The following UNC5B variants were observed in gnomAD, a reference collection of about 807,000 sequenced individuals.
UNC5B encodes unc-5 netrin receptor B.
UNC5B carries 56 observed loss-of-function variants against 103.7 expected under a neutral mutation model. The observed-to-expected ratio is 0.54, with a 90% CI of 0.44 to 0.67. The LOEUF is 0.67. Ranked by LOEUF, UNC5B falls within the 30% of genes least tolerant of loss-of-function variation. The pLI is 0.00. For synonymous variants in UNC5B, 577 were observed against 542.0 expected (o/e 1.06, Z -0.90); for missense variants, 1,194 against 1,284.5 (o/e 0.93, Z 1.08).
At position 71,296,448 on chromosome 10, in the gene UNC5B, G is replaced by C. The variant is rs1845413982; in HGVS notation, c.2326-130G>C. ...CTCAGCTGGCTAGCTTAGGGCACTT[G>C]ACCCCTCCCTATCTGGGTGGAGAGG... is the stretch of plus-strand genomic sequence containing the variant. On this transcript the variant is annotated intron_variant, in intron 14 of 16. Coordinates refer to ENST00000335350, the MANE Select transcript of UNC5B (RefSeq NM_170744.5). 6 of 1,071,428 alleles carry C rather than the reference G, an allele frequency of 5.6e-6. No homozygotes were observed. In the Admixed American group the frequency reaches 1.6e-4, roughly 29 times the overall value. The allele number at this position is 1,071,428 out of a possible 1,614,324, so 66.4% of individuals were successfully genotyped here. A position where few individuals can be genotyped will look rare whatever the true frequency, so the allele number is the denominator to read the frequency against.
intron 1 of UNC5B, among the ~76,000 whole-genome samples, chr10:71,256,982 C>T (rs533706785): frequency 5.3e-5 from 8 of 152,224 alleles, no homozygotes; most frequent in South Asian, 2.1e-4. Flanking sequence ...TGCAGGAAGA[C>T]GACAGTCATG....
chr10:71,222,335 G>C (rs1843469729), intron 1 of UNC5B, among the ~76,000 whole-genome samples: 1 of 151,856 alleles, frequency 6.6e-6, no homozygotes, highest in African/African-American at 2.4e-5. Context: ...AAGAGCCCCA[G>C]CCTTTAGGAT....
In UNC5B at chr10:71,301,958, C is replaced by G. The variant is rs966492007; in HGVS notation, c.*2681C>G. 2.0e-5 allele frequency: 3 copies of G among 152,372 alleles called. No homozygotes were observed. The highest frequency in any genetic ancestry group is 7.2e-5 in the African/African-American group (3 of 41,564). The allele number at this position is 152,372 out of a possible 1,614,324, so 9.4% of individuals were successfully genotyped here. A position where few individuals can be genotyped will look rare whatever the true frequency, so the allele number is the denominator to read the frequency against. ...CAGGAGCTTGACGGATGAAGTGCAG[C>G]CAGCCACCCAGGTGCCATTTCCAGT... On this transcript the variant is annotated 3_prime_UTR_variant, in exon 17 of 17. Transcript: ENST00000335350.
chr10:71,255,040 C>A (rs770979018), intron 1 of UNC5B, among the ~76,000 whole-genome samples: 1 of 152,198 alleles, frequency 6.6e-6, no homozygotes, highest in East Asian at 1.9e-4. Flanking sequence ...TCATCACATA[C>A]TTACAGGTTT....
intron 1 of UNC5B, among the ~76,000 whole-genome samples, chr10:71,224,392 C>T (rs1414462297): frequency 5.3e-5 from 8 of 151,910 alleles, no homozygotes; most frequent in African/African-American, 1.5e-4. Context: ...CACACACACA[C>T]ACACACACAC....
chr10:71,298,203 T>C, intron 16 of UNC5B, 113 bp downstream of exon 16: 3 of 1,276,898 alleles, frequency 2.3e-6, no homozygotes, highest in East Asian at 2.5e-5. Flanking sequence ...CCAGCTGCCC[T>C]TTTGCCACCA....
intron 1 of UNC5B, among the ~76,000 whole-genome samples, chr10:71,272,411 G>A (rs1444660286): frequency 6.6e-6 from 1 of 152,118 alleles, no homozygotes; most frequent in African/African-American, 2.4e-5. Context: ...CCAGCGGTGG[G>A]GGTTTCAAGG....
chr10:71,212,788 G>A lies in UNC5B; in HGVS notation c.-198G>A, dbSNP rs1485856790. 2 of 373,710 alleles carry A rather than the reference G, an allele frequency of 5.4e-6. No homozygotes were observed. Among genetic ancestry groups the A allele is most frequent in the South Asian group, 1.4e-4 (1 of 7,262 alleles). 23.1% of individuals were successfully genotyped at this position (373,710 alleles called of 1,614,324 possible). On this transcript the variant is annotated 5_prime_UTR_variant, in exon 1 of 17. Transcript: ENST00000335350. ...AGCCTCGTTCGAGAGCCGGCGCCAGGCACCCACCGCGCTCCGAGTGCCAGG... is the reference window on the plus strand; with the variant it reads ...AGCCTCGTTCGAGAGCCGGCGCCAGACACCCACCGCGCTCCGAGTGCCAGG...
intron 1 of UNC5B, among the ~76,000 whole-genome samples, chr10:71,246,908 G>A (rs1844051256): frequency 6.6e-6 from 1 of 152,142 alleles, no homozygotes; most frequent in Non-Finnish European, 1.5e-5. Context: ...CTGAAGCAGG[G>A]AGGGCTTGGC....
At chr10:71,233,904 G>A (rs574382775) in intron 1 of UNC5B, among the ~76,000 whole-genome samples, 4 of 152,226 alleles carry the variant, frequency 2.6e-5, no homozygotes, top group East Asian at 1.9e-4. Context: ...GGCTGAGGCC[G>A]CCAGGAGATT....
At chr10:71,267,192 G>A (rs1251253163) in intron 1 of UNC5B, among the ~76,000 whole-genome samples, 2 of 152,174 alleles carry the variant, frequency 1.3e-5, no homozygotes, top group Non-Finnish European at 2.9e-5. Flanking sequence ...AGCCCTGTCA[G>A]TCAAAGCAAG....
intron 1 of UNC5B, among the ~76,000 whole-genome samples, chr10:71,256,258 C>G (rs988833778): frequency 4.6e-5 from 7 of 152,184 alleles, no homozygotes; most frequent in African/African-American, 1.7e-4. Context: ...ATGCTGCTGC[C>G]ACTCACACAG....
chr10:71,293,866 C>A lies in UNC5B; in HGVS notation c.2108C>A (p.Ala703Asp). 6.2e-7 allele frequency: 1 copy of A among 1,608,618 alleles called. No homozygotes were observed. Among genetic ancestry groups the A allele is most frequent in the Non-Finnish European group, 8.5e-7 (1 of 1,179,792 alleles). Reference sequence around the variant, plus strand: ...CTCCAGCTGGCCGTCTTCGCCCCCGCCCTCTGCACCTCCCTGGAGTACAGC... The same window carrying A: ...CTCCAGCTGGCCGTCTTCGCCCCCGACCTCTGCACCTCCCTGGAGTACAGC... ...KRLQLAVFAP[A>D]LCTSLEYSLR... The change falls in exon 13 of 17, where the codon GCC becomes GAC. Residue 703 changes from alanine to aspartate, a missense_variant. Coordinates refer to ENST00000335350, the MANE Select transcript of UNC5B (RefSeq NM_170744.5).
At chr10:71,269,350 C>CCG (rs1554865171) in intron 1 of UNC5B, among the ~76,000 whole-genome samples, 4 of 145,140 alleles carry the variant, frequency 2.8e-5, no homozygotes, top group African/African-American at 1.0e-4. Flanking sequence ...AAGTCCCCCC[C>CCG]CCACAACTTC....
intron 1 of UNC5B, among the ~76,000 whole-genome samples, chr10:71,238,020 T>C (rs903014264): frequency 1.3e-5 from 2 of 152,172 alleles, no homozygotes; most frequent in Non-Finnish European, 2.9e-5. Context: ...CAGCTTCCAC[T>C]GAGTCGCCTC....
chr10:71,241,297 C>T (rs1048880362), intron 1 of UNC5B, among the ~76,000 whole-genome samples: 1 of 152,108 alleles, frequency 6.6e-6, no homozygotes, highest in Non-Finnish European at 1.5e-5. Context: ...TTGCCAGTGC[C>T]GAAGGCCCCC....
chr10:71,298,138 G>T, intron 16 of UNC5B, 48 bp downstream of exon 16: 1 of 1,539,690 alleles, frequency 6.5e-7, no homozygotes, highest in Non-Finnish European at 8.8e-7. Flanking sequence ...TCGTCCTCAA[G>T]GTCTCACAGG....
At chr10:71,248,529 G>T (rs1844095368) in intron 1 of UNC5B, among the ~76,000 whole-genome samples, 1 of 152,010 alleles carries the variant, frequency 6.6e-6, no homozygotes, top group South Asian at 2.1e-4. Context: ...AAATATTTGG[G>T]CCTAAAGGGC....
chr10:71,256,744 G>A (rs997728661), intron 1 of UNC5B, among the ~76,000 whole-genome samples: 1 of 152,224 alleles, frequency 6.6e-6, no homozygotes, highest in Non-Finnish European at 1.5e-5. Flanking sequence ...TTGGTGTGTG[G>A]GTTTTGATAT....
Sources: gnomAD v4.1 joint callset for allele counts (sites outside exome capture counted in the v4.1 genomes callset) on GRCh38, gnomAD v4.1.1 for gene constraint, MANE v1.5 for transcripts, NCBI Gene and HGNC (gene_info 2026-07-23, HGNC 2026-07-21) for gene names.